Variants in ZNF534 observed in about 807,000 individuals in gnomAD.
The protein encoded by ZNF534 is KRAB domain only 3.
ZNF534 carries 19 observed loss-of-function variants against 13.6 expected under a neutral mutation model. That is an observed-to-expected ratio of 1.40 (90% CI 0.97 to 2.05). ZNF534 has a LOEUF of 2.05. ZNF534 is among the 30% of genes most tolerant of loss of function. The pLI is 0.00. For missense variants in ZNF534, 782 were observed against 796.3 expected (o/e 0.98, Z 0.22); for synonymous variants, 244 against 273.8 (o/e 0.89, Z 1.07).
chr19:52,442,246 T>C lies in ZNF534; in HGVS notation c.*2800T>C, dbSNP rs770120552. 6.6e-6 allele frequency among the ~76,000 whole-genome samples: 1 copy of C among 152,212 alleles called. No homozygotes were observed. The highest frequency in any genetic ancestry group is 1.5e-5 in the Non-Finnish European group (1 of 68,040). On this transcript the variant is annotated 3_prime_UTR_variant, in exon 5 of 5. Transcript: ENST00000433050. ...TTCTTGATGGGCATGACACCCATGC[T>C]GAAGGTCGTTGGTTTACCAGAATGA...
chr19:52,430,037 A>G (rs1427812576), intron 1 of ZNF534, among the ~76,000 whole-genome samples: 1 of 147,868 alleles, frequency 6.8e-6, no homozygotes, highest in Non-Finnish European at 1.5e-5. Context: ...TTTTTTTGAG[A>G]CAGAGTCTCA....
downstream of ZNF534, among the ~76,000 whole-genome samples, chr19:52,447,176 AATGTC>A (rs1423077264): frequency 6.6e-6 from 1 of 152,172 alleles, no homozygotes; most frequent in Non-Finnish European, 1.5e-5. Context: ...ACCAGGACAA[AATGTC>A]ATCTCAAGAT....
At chr19:52,433,473 T>C (rs928973848) in intron 2 of ZNF534, among the ~76,000 whole-genome samples, 3 of 151,902 alleles carry the variant, frequency 2.0e-5, no homozygotes, top group Admixed American at 6.6e-5. Context: ...TTCACACCAT[T>C]CTCCTGCCTC....
At chr19:52,435,366 T>C (rs1212167481) in intron 4 of ZNF534, among the ~76,000 whole-genome samples, 157 bp downstream of exon 4, 1 of 152,040 alleles carries the variant, frequency 6.6e-6, no homozygotes, top group Admixed American at 6.6e-5. Context: ...TCTTCCAAAG[T>C]GTTGGGATTA....
rs994695456 is a variant in ZNF534, at chr19:52,451,038, A to G, written c.272-149A>G. 3 of 469,126 alleles carry G rather than the reference A, an allele frequency of 6.4e-6. No homozygotes were observed. The Admixed American group carries it at 1.3e-4, about 20-fold the overall frequency. The allele number at this position is 469,126 out of a possible 1,614,324, so 29.1% of individuals were successfully genotyped here. On this transcript the variant is annotated intron_variant, in intron 4 of 4. Coordinates refer to the ZNF534 transcript ENST00000301085. ...GAATAATGTCTTTTGATATTTTGAA[A>G]GAGAATGTGTTGAATATGTACATTG...
intron 4 of ZNF534, among the ~76,000 whole-genome samples, chr19:52,436,089 A>G (rs1208060615): frequency 6.6e-6 from 1 of 151,682 alleles, no homozygotes; most frequent in Non-Finnish European, 1.5e-5. Flanking sequence ...GGCTCCCGCC[A>G]CCATGCCTGG....
chr19:52,438,878 A>T lies in ZNF534; in HGVS notation c.1418A>T (p.Lys473Met). 1 of 1,597,178 alleles carries T rather than the reference A, an allele frequency of 6.3e-7. No homozygotes were observed. Among genetic ancestry groups the T allele is most frequent in the Non-Finnish European group, 8.6e-7 (1 of 1,168,272 alleles). The change falls in exon 5 of 5, where the codon AAG (lysine) becomes ATG (methionine). Residue 473 changes from lysine to methionine, a missense_variant. By Grantham distance (95) the Lys-to-Met change is moderately conservative. This residue lies in a region of ZNF534 where 591 missense variants were observed against 574.0 expected (regional missense o/e 1.03). Coordinates refer to ENST00000433050, the MANE Select transcript of ZNF534 (RefSeq NM_001143938.3). ...CCTTACAAATGTAACGAATGTGGCAAGGTCTTCAGTCAGAATTCAAACCTT... is the reference window on the plus strand; with the variant it reads ...CCTTACAAATGTAACGAATGTGGCATGGTCTTCAGTCAGAATTCAAACCTT... ...EKPYKCNECG[K>M]VFSQNSNLQR...
chr19:52,433,236 C>CA (rs1171627054), intron 2 of ZNF534, among the ~76,000 whole-genome samples: 794 of 64,354 alleles, frequency 0.012, 10 homozygotes, highest in African/African-American at 0.032. Context: ...GATCCTATCT[C>CA]AAAAAAAAAA....
chr19:52,429,592 CTTTTT>C (rs112310318), intron 1 of ZNF534, among the ~76,000 whole-genome samples: 2 of 138,002 alleles, frequency 1.4e-5, no homozygotes, highest in African/African-American at 5.3e-5. Flanking sequence ...ACTTAATAGT[CTTTTT>C]TTTTTTTTTT....
At chr19:52,451,801 G>T in exon 5 of ZNF534, 1 of 715,500 alleles carries the variant, frequency 1.4e-6, no homozygotes, top group South Asian at 1.5e-5. Context: ...TTTTTGCAAA[G>T]AAAAGTTTGA....
chr19:52,433,262 AAAG>A (rs2059101742), intron 2 of ZNF534, among the ~76,000 whole-genome samples: 1 of 143,790 alleles, frequency 7.0e-6, no homozygotes, highest in African/African-American at 2.5e-5. Flanking sequence ...AAAAAAAAAG[AAAG>A]AAAGCACTGT....
At chr19:52,433,419 T>C (rs1000097548) in intron 2 of ZNF534, among the ~76,000 whole-genome samples, 2 of 151,360 alleles carry the variant, frequency 1.3e-5, no homozygotes, top group African/African-American at 2.4e-5. Context: ...CAGGCTGGAG[T>C]GCAGTGGCGC....
chr19:52,432,153 C>G (rs1159837184), intron 2 of ZNF534, among the ~76,000 whole-genome samples: 1 of 151,678 alleles, frequency 6.6e-6, no homozygotes, highest in East Asian at 1.9e-4. Flanking sequence ...AGGCATCATA[C>G]CTGATAGTGG....
chr19:52,444,097 G>T (rs964629545), downstream of ZNF534, among the ~76,000 whole-genome samples: 1 of 143,090 alleles, frequency 7.0e-6, no homozygotes, highest in African/African-American at 2.6e-5. Context: ...TATTACCAGA[G>T]TTAGCTTTCT....
chr19:52,440,080 C>CA lies in ZNF534; in HGVS notation c.*641dup, dbSNP rs928491421. Among the ~76,000 whole-genome samples the CA allele has an allele frequency of 1.6e-4, 24 of 151,682 alleles. No individual in the cohort carries two copies. The highest frequency in any genetic ancestry group is 2.5e-4 in the Non-Finnish European group (17 of 67,942). On this transcript the variant is annotated 3_prime_UTR_variant, in exon 5 of 5. Transcript: ENST00000433050. ...CAAAACTCTTTCTTTAAAAACAAAA[C>CA]AAAAAAAGTTATGAAGCCTCACAAA...
Position 52,450,680 on chromosome 19 carries a change from TTTTTGTTTTTGTTTTTG to T in ZNF534, c.272-502_272-486del, listed in dbSNP as rs1171911800. Among the ~76,000 whole-genome samples the T allele has an allele frequency of 4.3e-4, 14 of 32,424 alleles. 1 individual carries two copies. Among genetic ancestry groups the T allele is most frequent in the Non-Finnish European group, 8.3e-4 (10 of 12,000 alleles). 21.3% of individuals were successfully genotyped at this position (32,424 alleles called of 152,430 possible). On this transcript the variant is annotated intron_variant, in intron 4 of 4. Transcript: ENST00000301085. ...CTATGAATTTTAGGAGTTTTTTTTTTTTTTGTTTTTGTTTTTGTTTTTTTTTTTTAGACAAGGTCTCT... is the reference window on the plus strand; with the variant it reads ...CTATGAATTTTAGGAGTTTTTTTTTTTTTTTTTTTTTTAGACAAGGTCTCT...
chr19:52,432,365 T>C (rs1178745145), intron 2 of ZNF534, among the ~76,000 whole-genome samples: 2 of 152,206 alleles, frequency 1.3e-5, no homozygotes, highest in Non-Finnish European at 2.9e-5. Flanking sequence ...ATTCTTTAGG[T>C]TTGATTCTCA....
chr19:52,430,432 T>C (rs2059079567), intron 1 of ZNF534, among the ~76,000 whole-genome samples: 1 of 152,200 alleles, frequency 6.6e-6, no homozygotes, highest in Non-Finnish European at 1.5e-5. Context: ...TCTTGGAACA[T>C]AGTGCACATC....
At chr19:52,451,221 C>T (rs373983368) in exon 5 of ZNF534, 66 of 715,224 alleles carry the variant, frequency 9.2e-5, no homozygotes, top group East Asian at 7.3e-4. Flanking sequence ...CGCGCGTCTT[C>T]AGGGTGGAAG....
Sources: allele counts gnomAD v4.1 joint callset (sites outside exome capture counted in the v4.1 genomes callset), GRCh38; gene constraint gnomAD v4.1.1; regional missense constraint gnomAD v4.1.1; transcripts MANE v1.5; gene names NCBI Gene and HGNC (gene_info 2026-07-23, HGNC 2026-07-21).